SVIL: variants seen among roughly 807,000 people sequenced by gnomAD.
SVIL encodes the protein supervillin.
A neutral mutation model predicts 240.4 loss-of-function variants in SVIL; 101 were observed. The ratio of observed to expected loss-of-function variants is 0.42; its 90% CI spans 0.36 to 0.50. The LOEUF is 0.50. SVIL is among the 20% of genes least tolerant of loss of function. The pLI is 0.01. For missense variants in SVIL, 2,512 were observed against 2,818.7 expected, an observed-to-expected ratio of 0.89 and a Z score of 2.46; for synonymous variants, 999 against 1,100.0, an observed-to-expected ratio of 0.91 and a Z score of 1.82.
intron 1 of SVIL, among the ~76,000 whole-genome samples, chr10:29,692,740 G>A (rs757202370): frequency 6.6e-6 from 1 of 151,938 alleles, no homozygotes; most frequent in Non-Finnish European, 1.5e-5. Context: ...GAATCCTCCT[G>A]CCTCAGCCTC....
Position 29,554,766 on chromosome 10 carries a change from C to T in SVIL, c.160+17G>A, listed in dbSNP as rs141069295. 996 of 1,541,480 alleles carry T rather than the reference C, an allele frequency of 6.5e-4. 7 individuals are homozygous for T. The highest frequency in any genetic ancestry group is 6.2e-3 in the Middle Eastern group (30 of 4,838). On this transcript the variant is annotated intron_variant, in intron 5 of 37. Coordinates refer to ENST00000355867, the MANE Select transcript of SVIL (RefSeq NM_021738.3). ...AGGCAGCCTGCTGGAAAATGGGCCA[C>T]CCAGCTCCACGCTCACCGATGTGGG...
intron 1 of SVIL, among the ~76,000 whole-genome samples, chr10:29,728,471 C>T (rs1964417955): frequency 6.6e-6 from 1 of 151,904 alleles, no homozygotes; most frequent in Non-Finnish European, 1.5e-5. Flanking sequence ...ATAGGGTATT[C>T]AATATCATTA....
intron 1 of SVIL, among the ~76,000 whole-genome samples, chr10:29,726,878 C>G (rs1415692363): frequency 5.9e-5 from 9 of 152,212 alleles, no homozygotes; most frequent in Admixed American, 2.6e-4. Context: ...GGCATCCCCT[C>G]ATGTCTCCAT....
intron 1 of SVIL, among the ~76,000 whole-genome samples, chr10:29,695,368 T>A (rs1045032821): frequency 3.3e-5 from 5 of 152,200 alleles, no homozygotes; most frequent in African/African-American, 1.2e-4. Flanking sequence ...AGGGGTACAC[T>A]AAGTGCCCTG....
intron 5 of SVIL, among the ~76,000 whole-genome samples, chr10:29,552,286 C>T (rs1953435039): frequency 6.6e-6 from 1 of 151,986 alleles, no homozygotes. Context: ...AGCTGGCTCA[C>T]AACTGTAATC....
At chr10:29,586,705 C>A (rs548904289) in intron 1 of SVIL, among the ~76,000 whole-genome samples, 1 of 152,252 alleles carries the variant, frequency 6.6e-6, no homozygotes, top group South Asian at 2.1e-4. Context: ...GAATACTACG[C>A]AGCCATAAAA....
At chr10:29,638,709 T>G (rs1277317519), upstream of SVIL, among the ~76,000 whole-genome samples, 2 of 152,194 alleles carry the variant, frequency 1.3e-5, no homozygotes, top group African/African-American at 2.4e-5. Context: ...GTAAAATATT[T>G]GATACAGAAT....
intron 17 of SVIL, among the ~76,000 whole-genome samples, chr10:29,511,800 T>C (rs1203124738): frequency 6.6e-6 from 1 of 152,228 alleles, no homozygotes; most frequent in Non-Finnish European, 1.5e-5. Context: ...GAGGAAATAG[T>C]GTCAGAACTC....
intron 1 of SVIL, among the ~76,000 whole-genome samples, chr10:29,703,829 T>A (rs988947103): frequency 6.6e-6 from 1 of 152,106 alleles, no homozygotes; most frequent in African/African-American, 2.4e-5. Flanking sequence ...GAGCCCAGGG[T>A]CTAGATCAGT....
chr10:29,579,633 C>T (rs906808039), intron 1 of SVIL, among the ~76,000 whole-genome samples: 1 of 152,170 alleles, frequency 6.6e-6, no homozygotes, highest in Non-Finnish European at 1.5e-5. Context: ...TAGCGCAGGT[C>T]ACAGCGGCAG....
intron 2 of SVIL, among the ~76,000 whole-genome samples, chr10:29,563,963 G>A (rs1337899218): frequency 6.6e-6 from 1 of 151,044 alleles, no homozygotes; most frequent in African/African-American, 2.4e-5. Context: ...TATCCCCCAG[G>A]TATCTCCTTA....
At chr10:29,536,177 C>A (rs1951730612) in intron 6 of SVIL, 108 bp from the exon 7 acceptor site, 2 of 1,055,102 alleles carry the variant, frequency 1.9e-6, no homozygotes, top group South Asian at 1.4e-5. Flanking sequence ...TAAGAATAAT[C>A]CTCACTTATA....
chr10:29,531,338 G>A (rs558163160), intron 9 of SVIL, 50 bp from the exon 10 acceptor site: 1 of 1,530,020 alleles, frequency 6.5e-7, no homozygotes, highest in East Asian at 2.3e-5. Flanking sequence ...GGTGGGAGCA[G>A]AAGATCGAAA....
chr10:29,517,378 G>C (rs1449228583), intron 16 of SVIL, among the ~76,000 whole-genome samples: 1 of 152,132 alleles, frequency 6.6e-6, no homozygotes, highest in African/African-American at 2.4e-5. Flanking sequence ...AGTGAGCTAT[G>C]ATCGCACCAC....
At chr10:29,641,750 C>A (rs1184425151) in intron 3 of SVIL, among the ~76,000 whole-genome samples, 2 of 152,150 alleles carry the variant, frequency 1.3e-5, no homozygotes, top group East Asian at 3.8e-4. Flanking sequence ...CTCATACAGA[C>A]TAAGACCTGC....
chr10:29,621,833 C>T (rs1218179206), intron 1 of SVIL, among the ~76,000 whole-genome samples: 2 of 148,558 alleles, frequency 1.3e-5, no homozygotes, highest in South Asian at 2.1e-4. Context: ...TATATGCGCA[C>T]GCACACACAC....
At chr10:29,485,171 C>G (rs1005765353) in intron 26 of SVIL, among the ~76,000 whole-genome samples, 2 of 151,874 alleles carry the variant, frequency 1.3e-5, no homozygotes, top group Non-Finnish European at 2.9e-5. Context: ...ATTCCTCCCC[C>G]TCTCATGTGC....
intron 1 of SVIL, among the ~76,000 whole-genome samples, chr10:29,622,725 CAA>C (rs1252060835): frequency 2.0e-5 from 3 of 152,148 alleles, no homozygotes; most frequent in South Asian, 2.1e-4. Flanking sequence ...AACCGAAACA[CAA>C]ACGTAGGAAA....
chr10:29,735,050 C>A lies in SVIL; in HGVS notation c.-400+701G>T, dbSNP rs1964818700. On this transcript the variant is annotated intron_variant, in intron 1 of 35. Transcript: ENST00000375400. The surrounding 1 kb of genome is among the most constrained non-coding windows in gnomAD (Gnocchi z 4.1). ...GCGGCCTGGACTGGAGCCTCCCCGCCGCTCACTCACTGTAATGCAATTACC... is the reference window on the plus strand; with the variant it reads ...GCGGCCTGGACTGGAGCCTCCCCGCAGCTCACTCACTGTAATGCAATTACC... Among the ~76,000 whole-genome samples, 1 of 152,178 alleles carries A rather than the reference C, an allele frequency of 6.6e-6. No homozygotes were observed. The highest frequency in any genetic ancestry group is 1.5e-5 in the Non-Finnish European group (1 of 68,036).
Sources: gnomAD v4.1 joint callset for allele counts (sites outside exome capture counted in the v4.1 genomes callset) on GRCh38, gnomAD v4.1.1 for gene constraint, Gnocchi (gnomAD v3.1) non-coding constraint, MANE v1.5 for transcripts, NCBI Gene and HGNC (gene_info 2026-07-23, HGNC 2026-07-21) for gene names.